Variants in POFUT3 observed in about 807,000 individuals in gnomAD.
The protein encoded by POFUT3 is GDP-fucose protein O-fucosyltransferase 3.
the POFUT3 span, among the ~76,000 whole-genome samples, chr8:33,333,764 G>T: frequency 6.6e-6 from 1 of 152,148 alleles, no homozygotes; most frequent in African/African-American, 2.4e-5. Context: ...TCATGGCACG[G>T]ATTCAGGTCC....
the POFUT3 span, among the ~76,000 whole-genome samples, chr8:33,457,500 A>C: frequency 2.0e-5 from 3 of 152,168 alleles, no homozygotes; most frequent in African/African-American, 4.8e-5. Flanking sequence ...CATCTCAAAA[A>C]AAACCCCAAC....
the POFUT3 span, among the ~76,000 whole-genome samples, chr8:33,309,167 A>AT: frequency 3.7e-5 from 2 of 53,672 alleles, no homozygotes; most frequent in African/African-American, 1.8e-4. Context: ...AAAAAAAAAA[A>AT]ATATATATAT....
chr8:33,373,259 G>A, the POFUT3 span, among the ~76,000 whole-genome samples: 1 of 151,998 alleles, frequency 6.6e-6, no homozygotes, highest in Non-Finnish European at 1.5e-5. Context: ...TCAATCTCTG[G>A]GCATTTATTT....
the POFUT3 span, among the ~76,000 whole-genome samples, chr8:33,318,778 A>C: frequency 1.8e-5 from 1 of 54,400 alleles, no homozygotes; most frequent in Non-Finnish European, 2.8e-5. Context: ...TATATTTTAT[A>C]TATATTTATA....
the POFUT3 span, among the ~76,000 whole-genome samples, chr8:33,368,512 G>A: frequency 6.6e-6 from 1 of 152,212 alleles, no homozygotes; most frequent in Admixed American, 6.5e-5. Flanking sequence ...GACAGCAAGA[G>A]AGGGCTTGTC....
At chr8:33,418,979 A>C in the POFUT3 span, among the ~76,000 whole-genome samples, 2 of 152,314 alleles carry the variant, frequency 1.3e-5, no homozygotes, top group Admixed American at 6.5e-5. Flanking sequence ...AGGCACAGAA[A>C]GACAAATATT....
At chr8:33,450,074 A>G in the POFUT3 span, among the ~76,000 whole-genome samples, 1 of 151,140 alleles carries the variant, frequency 6.6e-6, no homozygotes, top group African/African-American at 2.4e-5. Flanking sequence ...AGTAGCTGGG[A>G]TTATAGGCAT....
chr8:33,459,169 G>A, the POFUT3 span, among the ~76,000 whole-genome samples: 8 of 151,578 alleles, frequency 5.3e-5, no homozygotes, highest in Admixed American at 6.6e-5. Flanking sequence ...GCAAAACCCC[G>A]TCTCTACTAA....
chr8:33,409,869 C>T, the POFUT3 span, among the ~76,000 whole-genome samples: 16 of 152,056 alleles, frequency 1.1e-4, 1 homozygote, highest in Admixed American at 2.6e-4. Flanking sequence ...TGCGCCACTG[C>T]GCTGCAGCCT....
the POFUT3 span, among the ~76,000 whole-genome samples, chr8:33,359,036 T>C: frequency 6.6e-5 from 10 of 152,166 alleles, no homozygotes; most frequent in Admixed American, 1.3e-4. Context: ...ACCCAGTATA[T>C]GACATTTTGT....
At chr8:33,412,989 G>C in the POFUT3 span, among the ~76,000 whole-genome samples, 1 of 149,756 alleles carries the variant, frequency 6.7e-6, no homozygotes, top group Non-Finnish European at 1.5e-5. Flanking sequence ...CCATGCATAA[G>C]AAAATGAAAA....
the POFUT3 span, among the ~76,000 whole-genome samples, chr8:33,435,391 T>A: frequency 7.9e-5 from 12 of 152,142 alleles, no homozygotes; most frequent in African/African-American, 2.9e-4. Context: ...CTAATTTTTG[T>A]ATTTTTAGTA....
At chr8:33,345,259 T>C in the POFUT3 span, among the ~76,000 whole-genome samples, 1 of 152,170 alleles carries the variant, frequency 6.6e-6, no homozygotes, top group Non-Finnish European at 1.5e-5. Context: ...AATGCTACTA[T>C]AGGGTGATTC....
chr8:33,461,523 C>T, the POFUT3 span: 85 of 1,608,168 alleles, frequency 5.3e-5, no homozygotes, highest in Middle Eastern at 5.0e-4. Flanking sequence ...GCCCAGAGCC[C>T]GAGACAACTT....
the POFUT3 span, among the ~76,000 whole-genome samples, chr8:33,417,853 C>T: frequency 0.026 from 3,960 of 152,228 alleles, 167 homozygotes; most frequent in African/African-American, 0.089. Flanking sequence ...CAGGATCAGC[C>T]GGAAGCCCAG....
the POFUT3 span, among the ~76,000 whole-genome samples, chr8:33,347,381 C>A: frequency 2.0e-5 from 3 of 152,300 alleles, no homozygotes; most frequent in African/African-American, 7.2e-5. Context: ...TAAGACTTGA[C>A]AAATTATCTA....
the POFUT3 span, among the ~76,000 whole-genome samples, chr8:33,427,154 C>T: frequency 1.3e-5 from 2 of 152,276 alleles, no homozygotes; most frequent in African/African-American, 2.4e-5. Context: ...ACATCTAATA[C>T]GGAAGCAAAG....
chr8:33,463,623 T>C, the POFUT3 span, among the ~76,000 whole-genome samples: 1 of 152,128 alleles, frequency 6.6e-6, no homozygotes, highest in Non-Finnish European at 1.5e-5. Context: ...TGGCTCACTG[T>C]AGCCTCCAAC....
the POFUT3 span, among the ~76,000 whole-genome samples, chr8:33,415,923 T>C: frequency 6.6e-6 from 1 of 152,072 alleles, no homozygotes. Flanking sequence ...TCCCAAACAG[T>C]TTTTTTAGTG....
Sources: gnomAD v4.1 joint callset for allele counts (sites outside exome capture counted in the v4.1 genomes callset) on GRCh38, gnomAD v4.1.1 for gene constraint, MANE v1.5 for transcripts, NCBI Gene and HGNC (gene_info 2026-07-23, HGNC 2026-07-21) for gene names.